The following RAB3C variants were observed in gnomAD, a reference collection of about 807,000 sequenced individuals.
RAB3C encodes RAB3C, member RAS oncogene family, also known as ras-related protein Rab-3C.
A neutral mutation model predicts 26.4 loss-of-function variants in RAB3C; 17 were observed. That is an observed-to-expected ratio of 0.64 (90% confidence interval 0.44 to 0.97). RAB3C has a LOEUF of 0.97. RAB3C is among the 50% of genes least tolerant of loss of function. The pLI, the probability that RAB3C is intolerant of heterozygous loss-of-function variation, is 0.00. For missense variants in RAB3C, 242 were observed against 281.9 expected, an observed-to-expected ratio of 0.86 and a Z score of 1.01; for synonymous variants, 91 against 95.9, an observed-to-expected ratio of 0.95 and a Z score of 0.30.
At chr5:58,720,667 T>A (rs1464260968) in intron 2 of RAB3C, among the ~76,000 whole-genome samples, 1 of 151,904 alleles carries the variant, frequency 6.6e-6, no homozygotes, top group Non-Finnish European at 1.5e-5. Flanking sequence ...ATTAAACTAC[T>A]TCTGTTGAAC....
At chr5:58,716,774 T>C (rs9292175) in intron 2 of RAB3C, among the ~76,000 whole-genome samples, 8,719 of 148,684 alleles carry the variant, frequency 0.059, 855 homozygotes, top group African/African-American at 0.2. Flanking sequence ...ATAGATCTCA[T>C]AGTATTTCCA....
intron 3 of RAB3C, among the ~76,000 whole-genome samples, chr5:58,756,706 G>T (rs1183614828): frequency 4.3e-5 from 6 of 138,916 alleles, no homozygotes; most frequent in African/African-American, 1.6e-4. Context: ...TTGGTTTTCT[G>T]TTCCTGTGTT....
intron 1 of RAB3C, among the ~76,000 whole-genome samples, chr5:58,592,886 G>A (rs1329832341): frequency 2.6e-5 from 4 of 151,806 alleles, no homozygotes; most frequent in African/African-American, 7.3e-5. Context: ...CCTAGATGTC[G>A]TTTTATTTAT....
intron 3 of RAB3C, among the ~76,000 whole-genome samples, chr5:58,777,594 GT>G (rs779951394): frequency 0.023 from 3,018 of 130,036 alleles, 47 homozygotes; most frequent in East Asian, 0.061. Flanking sequence ...GAAAGACCAT[GT>G]TTTTTTTTTT....
chr5:58,590,645 C>T (rs1364399614), intron 1 of RAB3C, among the ~76,000 whole-genome samples: 1 of 151,994 alleles, frequency 6.6e-6, no homozygotes, highest in South Asian at 2.1e-4. Context: ...TGGGTTCAAG[C>T]GATTCTCCTG....
At chr5:58,756,349 A>AGT (rs1282917397) in intron 3 of RAB3C, among the ~76,000 whole-genome samples, 336 of 141,114 alleles carry the variant, frequency 2.4e-3, no homozygotes, top group African/African-American at 8.8e-3. Context: ...TATATATGTT[A>AGT]TATATATATA....
intron 2 of RAB3C, among the ~76,000 whole-genome samples, chr5:58,701,112 C>T (rs2111878946): frequency 6.6e-6 from 1 of 152,208 alleles, no homozygotes; most frequent in East Asian, 1.9e-4. Context: ...TCTCCCGCCT[C>T]AGCCCCCAGA....
intron 3 of RAB3C, among the ~76,000 whole-genome samples, chr5:58,765,688 A>G (rs1741886502): frequency 6.6e-6 from 1 of 152,248 alleles, no homozygotes; most frequent in African/African-American, 2.4e-5. Context: ...GACATAAAAT[A>G]TTCCACTGTG....
Position 58,612,487 on chromosome 5 carries a change from G to GGTGTGTGT in RAB3C, c.25-5129_25-5122dup, listed in dbSNP as rs372157686. On this transcript the variant is annotated intron_variant, in intron 1 of 4. Transcript: ENST00000282878. ...GGTTAGCTGGTTAGCTGTGTTCCTA[G>GGTGTGTGT]GTGTGTGTGTGTGTGTGTGTGTGTG... Among the ~76,000 whole-genome samples the GGTGTGTGT allele has an allele frequency of 9.5e-4, 107 of 113,024 alleles. 1 individual carries two copies. The highest frequency in any genetic ancestry group is 3.9e-3 in the African/African-American group (98 of 25,254). 74.1% of individuals were successfully genotyped at this position (113,024 alleles called of 152,430 possible). A position where few individuals can be genotyped will look rare whatever the true frequency, so the allele number is the denominator to read the frequency against.
chr5:58,623,840 T>C (rs901092808), intron 2 of RAB3C, among the ~76,000 whole-genome samples: 1 of 152,158 alleles, frequency 6.6e-6, no homozygotes, highest in Non-Finnish European at 1.5e-5. Flanking sequence ...GCAGGGACTT[T>C]GGAGTCTGGT....
chr5:58,651,600 C>T (rs1350465351), intron 2 of RAB3C, among the ~76,000 whole-genome samples: 1 of 152,140 alleles, frequency 6.6e-6, no homozygotes, highest in East Asian at 1.9e-4. Context: ...TAAAACTAAG[C>T]ATTATATGGA....
intron 2 of RAB3C, among the ~76,000 whole-genome samples, chr5:58,627,004 T>A (rs1747066867): frequency 6.6e-6 from 1 of 152,298 alleles, no homozygotes; most frequent in South Asian, 2.1e-4. Context: ...TATGCCCAAG[T>A]GCAGTGAGCT....
intron 2 of RAB3C, 131 bp downstream of exon 2, chr5:58,618,001 A>G (rs996068318): frequency 1.6e-4 from 97 of 625,748 alleles, no homozygotes; most frequent in Non-Finnish European, 9.6e-5. Flanking sequence ...TCTTTGCTGC[A>G]GAACATTCTG....
Position 58,725,305 on chromosome 5 carries a change from G to C in RAB3C, c.253-697G>C, listed in dbSNP as rs528303805. Reference sequence around the variant, plus strand: ...GAGAAGCCTGTTGTCAGACAAATTGGAGCTCCTTTATATGTTATTTGCTTC... The same window carrying C: ...GAGAAGCCTGTTGTCAGACAAATTGCAGCTCCTTTATATGTTATTTGCTTC... On this transcript the variant is annotated intron_variant, in intron 2 of 4. Transcript: ENST00000282878. Among the ~76,000 whole-genome samples, 5 of 151,854 alleles carry C rather than the reference G, an allele frequency of 3.3e-5. No individual in the cohort carries two copies. In the East Asian group the frequency reaches 9.7e-4, roughly 30 times the overall value.
chr5:58,664,468 A>G (rs1298004696), intron 2 of RAB3C, among the ~76,000 whole-genome samples: 1 of 152,138 alleles, frequency 6.6e-6, no homozygotes, highest in African/African-American at 2.4e-5. Flanking sequence ...GCTAGGGGTC[A>G]GGACAGAGGA....
chr5:58,739,889 T>C (rs2111944386), intron 3 of RAB3C, among the ~76,000 whole-genome samples: 1 of 152,376 alleles, frequency 6.6e-6, no homozygotes, highest in South Asian at 2.1e-4. Flanking sequence ...TTTGTACTTT[T>C]CCTTTCTACA....
At chr5:58,613,339 C>T (rs1746754364) in intron 1 of RAB3C, among the ~76,000 whole-genome samples, 1 of 152,094 alleles carries the variant, frequency 6.6e-6, no homozygotes, top group Non-Finnish European at 1.5e-5. Flanking sequence ...CTGTTGAGGT[C>T]TCACCCGTAG....
chr5:58,705,043 GATA>G (rs1290337958), intron 2 of RAB3C, among the ~76,000 whole-genome samples: 1 of 152,028 alleles, frequency 6.6e-6, no homozygotes, highest in African/African-American at 2.4e-5. Context: ...AAGCAAACAG[GATA>G]ATAATTTATT....
intron 1 of RAB3C, among the ~76,000 whole-genome samples, chr5:58,607,584 G>C (rs1746600155): frequency 6.6e-6 from 1 of 152,090 alleles, no homozygotes; most frequent in African/African-American, 2.4e-5. Flanking sequence ...TACTCCTCAA[G>C]AATCACAACC....
Sources: allele counts gnomAD v4.1 joint callset (sites outside exome capture counted in the v4.1 genomes callset), GRCh38; gene constraint gnomAD v4.1.1; transcripts MANE v1.5; gene names NCBI Gene and HGNC (gene_info 2026-07-23, HGNC 2026-07-21).